ADGRV1: variants seen among roughly 807,000 people sequenced by gnomAD.
ADGRV1 encodes adhesion G protein-coupled receptor V1, also known as G-protein coupled receptor 98.
Under a neutral mutation model 596.2 loss-of-function variants are expected in ADGRV1, and 359 were observed. That is an observed-to-expected ratio of 0.60 (90% CI 0.55 to 0.66). The LOEUF is 0.66. Among genes scored for constraint, ADGRV1 ranks in the 30% least tolerant of loss-of-function variants. ADGRV1 has a pLI of 0.00. For synonymous variants in ADGRV1, 2,681 were observed against 2,679.2 expected (o/e 1.00, Z -0.02); for missense variants, 7,274 against 7,575.6 (o/e 0.96, Z 1.48).
At chr5:90,892,023 A>G (rs2150586379) in intron 83 of ADGRV1, among the ~76,000 whole-genome samples, 1 of 152,134 alleles carries the variant, frequency 6.6e-6, no homozygotes, top group South Asian at 2.1e-4. Context: ...TGTAAAGACT[A>G]AAGGATGGAT....
intron 67 of ADGRV1, 49 bp downstream of exon 67, chr5:90,784,106 G>A (rs762440482): frequency 6.5e-5 from 78 of 1,194,292 alleles, no homozygotes; most frequent in Non-Finnish European, 8.0e-5. Context: ...GATAGACTGA[G>A]TATGGTAGTG....
intron 43 of ADGRV1, 178 bp downstream of exon 43, chr5:90,716,907 A>G (rs1171755559): frequency 4.1e-6 from 2 of 482,270 alleles, no homozygotes; most frequent in Non-Finnish European, 7.3e-6. Flanking sequence ...TACTCTGTAT[A>G]AAGCGCAACT....
intron 70 of ADGRV1, among the ~76,000 whole-genome samples, chr5:90,794,479 T>C (rs1050443127): frequency 6.6e-6 from 1 of 152,180 alleles, no homozygotes; most frequent in African/African-American, 2.4e-5. Flanking sequence ...TGAGCACTTA[T>C]TATGTGCCAA....
At chr5:90,713,532 T>G (rs1322065618) in intron 42 of ADGRV1, among the ~76,000 whole-genome samples, 1 of 152,154 alleles carries the variant, frequency 6.6e-6, no homozygotes, top group Non-Finnish European at 1.5e-5. Context: ...ACATATAATT[T>G]ATTGGTTTAT....
chr5:90,832,257 A>G (rs1351832230), intron 77 of ADGRV1, among the ~76,000 whole-genome samples: 2 of 152,174 alleles, frequency 1.3e-5, no homozygotes, highest in Non-Finnish European at 2.9e-5. Flanking sequence ...CCTTCTCACT[A>G]GCATTCATTA....
At chr5:90,762,292 G>A (rs2438351) in intron 58 of ADGRV1, among the ~76,000 whole-genome samples, 97,400 of 151,904 alleles carry the variant, frequency 0.64, 31,988 homozygotes, top group East Asian at 0.82. Flanking sequence ...CTCATCTCCA[G>A]ATATATGTAT....
intron 52 of ADGRV1, among the ~76,000 whole-genome samples, chr5:90,749,192 C>T (rs555947687): frequency 6.6e-6 from 1 of 152,230 alleles, no homozygotes; most frequent in African/African-American, 2.4e-5. Flanking sequence ...CAATACTTGC[C>T]AATAGATACT....
At chr5:90,850,314 G>GT (rs1341986627) in intron 79 of ADGRV1, among the ~76,000 whole-genome samples, 8 of 152,198 alleles carry the variant, frequency 5.3e-5, no homozygotes, top group South Asian at 2.1e-4. Flanking sequence ...GGAAATTGAG[G>GT]TTTTTTCTTA....
At chr5:90,973,711 A>G (rs962182229) in intron 84 of ADGRV1, among the ~76,000 whole-genome samples, 12 of 152,174 alleles carry the variant, frequency 7.9e-5, no homozygotes, top group Non-Finnish European at 1.5e-4. Flanking sequence ...TCAAAATAAT[A>G]AGAGCTCTTT....
intron 84 of ADGRV1, among the ~76,000 whole-genome samples, chr5:90,984,373 C>T (rs1426913011): frequency 6.6e-6 from 1 of 152,128 alleles, no homozygotes; most frequent in Non-Finnish European, 1.5e-5. Flanking sequence ...TAAATATGAG[C>T]ATTCCTTATG....
chr5:90,950,898 T>C (rs896748182), intron 83 of ADGRV1, among the ~76,000 whole-genome samples: 4 of 148,024 alleles, frequency 2.7e-5, no homozygotes, highest in Non-Finnish European at 6.1e-5. Flanking sequence ...TTTCTTCCTA[T>C]GGATGATATG....
At chr5:91,037,218 CA>C (rs1784982798) in intron 85 of ADGRV1, among the ~76,000 whole-genome samples, 1 of 152,202 alleles carries the variant, frequency 6.6e-6, no homozygotes, top group African/African-American at 2.4e-5. Context: ...TCTTTTATAA[CA>C]GGTACAAGCA....
intron 1 of ADGRV1, among the ~76,000 whole-genome samples, chr5:90,566,083 A>G (rs1352371205): frequency 6.6e-6 from 1 of 152,058 alleles, no homozygotes; most frequent in African/African-American, 2.4e-5. Flanking sequence ...CTTATCAGAT[A>G]TATCATTTGC....
intron 45 of ADGRV1, among the ~76,000 whole-genome samples, chr5:90,721,675 G>A (rs115457151): frequency 0.011 from 1,647 of 151,976 alleles, 36 homozygotes; most frequent in African/African-American, 0.038. Flanking sequence ...AATGAATCAA[G>A]TAAGTAAAAA....
At chr5:90,611,502 CATGG>C (rs1762726883) in intron 1 of ADGRV1, among the ~76,000 whole-genome samples, 1 of 151,850 alleles carries the variant, frequency 6.6e-6, no homozygotes, top group Non-Finnish European at 1.5e-5. Flanking sequence ...GGGAGAAGAA[CATGG>C]ATGATAGCTG....
chr5:90,695,036 A>G (rs1747009445), intron 33 of ADGRV1, among the ~76,000 whole-genome samples: 1 of 152,192 alleles, frequency 6.6e-6, no homozygotes, highest in African/African-American at 2.4e-5. Flanking sequence ...AAATTTTAAT[A>G]ATGACCCATG....
chr5:90,974,993 C>T (rs1779423672), intron 84 of ADGRV1, among the ~76,000 whole-genome samples: 1 of 150,148 alleles, frequency 6.7e-6, no homozygotes, highest in Admixed American at 6.6e-5. Flanking sequence ...AGCACTCAAA[C>T]AAATTTACAA....
chr5:90,850,089 A>G (rs1475779743), intron 79 of ADGRV1, among the ~76,000 whole-genome samples: 2 of 152,180 alleles, frequency 1.3e-5, no homozygotes, highest in East Asian at 3.9e-4. Context: ...ACTCAACCCC[A>G]GACTTACTTG....
intron 85 of ADGRV1, among the ~76,000 whole-genome samples, chr5:91,045,250 G>A (rs180767934): frequency 9.1e-4 from 138 of 152,174 alleles, no homozygotes; most frequent in African/African-American, 3.0e-3. Flanking sequence ...GAAGACTACG[G>A]ACCAATATCC....
Sources: allele counts gnomAD v4.1 joint callset (sites outside exome capture counted in the v4.1 genomes callset), GRCh38; gene constraint gnomAD v4.1.1; transcripts MANE v1.5; gene names NCBI Gene and HGNC (gene_info 2026-07-23, HGNC 2026-07-21).